Variants in COL25A1 observed in about 807,000 individuals in gnomAD.
COL25A1 encodes collagen alpha-1(XXV) chain.
COL25A1 carries 103 observed loss-of-function variants against 128.4 expected under a neutral mutation model. The observed-to-expected ratio is 0.80, with a 90% CI of 0.68 to 0.94. COL25A1 has a LOEUF of 0.94. COL25A1 is among the 40% of genes least tolerant of loss of function. The pLI is 0.00. For synonymous variants in COL25A1, 279 were observed against 277.2 expected (o/e 1.01, Z -0.06); for missense variants, 745 against 840.0 (o/e 0.89, Z 1.40).
At chr4:108,975,773 C>T (rs1752371836) in intron 6 of COL25A1, among the ~76,000 whole-genome samples, 1 of 152,084 alleles carries the variant, frequency 6.6e-6, no homozygotes, top group Admixed American at 6.5e-5. Context: ...ATTGAACTCC[C>T]TTTTAATATA....
At chr4:109,137,111 G>A (rs533192563) in intron 3 of COL25A1, among the ~76,000 whole-genome samples, 36 of 152,310 alleles carry the variant, frequency 2.4e-4, no homozygotes, top group African/African-American at 8.2e-4. Context: ...CAGTCACTGA[G>A]CTTTGGGGTA....
At chr4:108,880,054 C>A (rs1560796055) in intron 19 of COL25A1, among the ~76,000 whole-genome samples, 1 of 152,070 alleles carries the variant, frequency 6.6e-6, no homozygotes, top group Non-Finnish European at 1.5e-5. Flanking sequence ...GGTGATCCAC[C>A]CGCCTTGGCC....
At chr4:109,012,835 A>T (rs3096499) in intron 5 of COL25A1, among the ~76,000 whole-genome samples, 6 of 152,044 alleles carry the variant, frequency 3.9e-5, no homozygotes, top group South Asian at 4.1e-4. Context: ...TCCCATCGAC[A>T]GCCCAAGGGC....
intron 31 of COL25A1, among the ~76,000 whole-genome samples, chr4:108,835,611 A>G (rs1165733474): frequency 6.6e-6 from 1 of 151,960 alleles, no homozygotes; most frequent in Non-Finnish European, 1.5e-5. Flanking sequence ...CTGAAGTGCA[A>G]TGGCACAATC....
At chr4:109,218,493 A>G (rs1032448055) in intron 3 of COL25A1, among the ~76,000 whole-genome samples, 1 of 149,860 alleles carries the variant, frequency 6.7e-6, no homozygotes, top group African/African-American at 2.5e-5. Context: ...ATGTGCCTCC[A>G]CCCATCTCAG....
chr4:109,148,825 C>T (rs1771195904), intron 3 of COL25A1, among the ~76,000 whole-genome samples: 1 of 152,132 alleles, frequency 6.6e-6, no homozygotes, highest in Non-Finnish European at 1.5e-5. Flanking sequence ...TGTAGCTGCC[C>T]AGCCTTCTCA....
chr4:109,115,814 T>C lies in COL25A1; in HGVS notation c.368-65635A>G, dbSNP rs72670350. On this transcript the variant is annotated intron_variant, in intron 3 of 37. Coordinates refer to ENST00000399132, the MANE Select transcript of COL25A1 (RefSeq NM_198721.4). ...AAGGAGACCAAGCAGCACTGAGATA[T>C]ATAAAAGGAGCACGAGATGGAGAGA... Among the ~76,000 whole-genome samples the C allele has an allele frequency of 6.7e-3, 1,026 of 152,006 alleles. 10 individuals carry two copies. The highest frequency in any genetic ancestry group is 0.012 in the South Asian group (56 of 4,818).
chr4:109,155,094 T>C (rs1021179208), intron 3 of COL25A1, among the ~76,000 whole-genome samples: 2 of 152,206 alleles, frequency 1.3e-5, no homozygotes, highest in African/African-American at 4.8e-5. Context: ...TTAAGTATAT[T>C]CATAAGATTA....
At chr4:108,963,473 C>T (rs1173210784) in intron 8 of COL25A1, among the ~76,000 whole-genome samples, 2 of 151,994 alleles carry the variant, frequency 1.3e-5, no homozygotes, top group Non-Finnish European at 1.5e-5. Context: ...TTACTAAAAG[C>T]CTTACATTCT....
At chr4:108,874,158 C>T (rs955077401) in intron 19 of COL25A1, among the ~76,000 whole-genome samples, 8 of 152,254 alleles carry the variant, frequency 5.3e-5, no homozygotes, top group East Asian at 3.9e-4. Flanking sequence ...AGCTGAAGTA[C>T]GATTCAAAGG....
chr4:109,179,663 C>A (rs1292346176), intron 3 of COL25A1, among the ~76,000 whole-genome samples: 1 of 152,140 alleles, frequency 6.6e-6, no homozygotes, highest in Admixed American at 6.5e-5. Context: ...TTTTTCAGAT[C>A]TTCCACAAAA....
At chr4:109,255,498 G>A (rs552597388) in intron 3 of COL25A1, among the ~76,000 whole-genome samples, 6 of 152,118 alleles carry the variant, frequency 3.9e-5, no homozygotes, top group Non-Finnish European at 7.4e-5. Flanking sequence ...GGGAAAGAGG[G>A]TGAATATCTG....
chr4:108,957,205 A>G (rs1457080624), intron 8 of COL25A1, among the ~76,000 whole-genome samples: 2 of 152,130 alleles, frequency 1.3e-5, no homozygotes, highest in African/African-American at 4.8e-5. Context: ...AAGCATGAAT[A>G]CAGAACCAGG....
At chr4:109,018,439 G>T (rs1039662019) in intron 5 of COL25A1, among the ~76,000 whole-genome samples, 6 of 152,122 alleles carry the variant, frequency 3.9e-5, no homozygotes, top group Admixed American at 1.3e-4. Flanking sequence ...CATCAGGCTG[G>T]TCTCAAATTC....
At chr4:109,047,506 C>T (rs1388316059) in intron 5 of COL25A1, among the ~76,000 whole-genome samples, 1 of 151,948 alleles carries the variant, frequency 6.6e-6, no homozygotes, top group Non-Finnish European at 1.5e-5. Flanking sequence ...GAGGGATAAA[C>T]GACCACAAAT....
rs562073239 is a variant in COL25A1 at position 109,201,182 on chromosome 4, T to C, written c.367+99401A>G. On this transcript the variant is annotated intron_variant, in intron 3 of 37. Transcript: ENST00000399132. ...TTAACACAAGACTGCTATGAAAATA[T>C]GAAGAAGGCTATCTTTTCTGTTGGT... 2.0e-5 allele frequency among the ~76,000 whole-genome samples: 3 copies of C among 152,306 alleles called. No individual in the cohort carries two copies. The South Asian group carries it at 6.2e-4, about 32-fold the overall frequency.
At chr4:109,183,325 G>C (rs1774844030) in intron 3 of COL25A1, among the ~76,000 whole-genome samples, 1 of 152,038 alleles carries the variant, frequency 6.6e-6, no homozygotes, top group South Asian at 2.1e-4. Context: ...TGAAAAAAGA[G>C]AAAAACTGAA....
intron 3 of COL25A1, among the ~76,000 whole-genome samples, chr4:109,141,394 C>CT (rs1426451549): frequency 2.6e-5 from 4 of 152,114 alleles, no homozygotes; most frequent in Non-Finnish European, 4.4e-5. Context: ...CAGAAATTTC[C>CT]TTTTTTTGTG....
chr4:108,941,159 T>C (rs6827855), intron 9 of COL25A1, among the ~76,000 whole-genome samples: 6,649 of 152,306 alleles, frequency 0.044, 380 homozygotes, highest in African/African-American at 0.13. Context: ...AAAAATTAGA[T>C]AGGCTTTTAA....
Sources: allele counts gnomAD v4.1 joint callset (sites outside exome capture counted in the v4.1 genomes callset), GRCh38; gene constraint gnomAD v4.1.1; transcripts MANE v1.5; gene names NCBI Gene and HGNC (gene_info 2026-07-23, HGNC 2026-07-21).